Variants in SKAP1 observed in about 807,000 individuals in gnomAD.
SKAP1 encodes src kinase associated phosphoprotein 1, also known as src kinase-associated phosphoprotein 1.
SKAP1 carries 44 observed loss-of-function variants against 58.5 expected under a neutral mutation model. That is an observed-to-expected ratio of 0.75 (90% CI 0.59 to 0.97). The LOEUF (loss-of-function observed/expected upper bound fraction) is 0.97, where lower values mean the gene tolerates loss of function less well. Ranked by LOEUF, SKAP1 falls within the 50% of genes least tolerant of loss-of-function variation. The pLI is 0.00. For synonymous variants in SKAP1, 127 were observed against 149.7 expected (o/e 0.85, Z 1.11); for missense variants, 390 against 435.2 (o/e 0.90, Z 0.92).
intron 10 of SKAP1, among the ~76,000 whole-genome samples, chr17:48,165,896 A>T (rs897096869): frequency 6.6e-6 from 1 of 151,986 alleles, no homozygotes; most frequent in African/African-American, 2.4e-5. Context: ...CCATCTAATT[A>T]TTTTTTTTCC....
intron 4 of SKAP1, among the ~76,000 whole-genome samples, chr17:48,205,662 A>AG (rs1393678710): frequency 6.6e-6 from 1 of 152,078 alleles, no homozygotes; most frequent in South Asian, 2.1e-4. Flanking sequence ...CTTCTGAATC[A>AG]GGGGGGAGAA....
chr17:48,290,768 T>C (rs1168294692), intron 4 of SKAP1, among the ~76,000 whole-genome samples: 1 of 152,196 alleles, frequency 6.6e-6, no homozygotes, highest in Non-Finnish European at 1.5e-5. Context: ...ATGAATGAGA[T>C]TTCTGTAACT....
chr17:48,230,043 T>C lies in SKAP1; in HGVS notation c.281-40543A>G, dbSNP rs116036809. 3.3e-3 allele frequency among the ~76,000 whole-genome samples: 496 copies of C among 148,424 alleles called. 3 individuals carry two copies. The highest frequency in any genetic ancestry group is 0.012 in the African/African-American group (467 of 40,076). On this transcript the variant is annotated intron_variant, in intron 4 of 12. Transcript: ENST00000336915. ...AGGGCAGAGCATCCAGGCTCAGACC[T>C]TGAACTGAAAAATCCTTCTCACTTT... is the stretch of plus-strand genomic sequence containing the variant.
intron 4 of SKAP1, among the ~76,000 whole-genome samples, chr17:48,275,053 C>T (rs182360732): frequency 1.3e-5 from 2 of 152,300 alleles, no homozygotes; most frequent in African/African-American, 4.8e-5. Flanking sequence ...AGAGAAAAGA[C>T]TCAATTTTCT....
intron 2 of SKAP1, among the ~76,000 whole-genome samples, chr17:48,387,604 T>G (rs191456989): frequency 7.2e-5 from 11 of 152,336 alleles, no homozygotes; most frequent in Non-Finnish European, 2.9e-5. Context: ...CATGTTTTAG[T>G]GATAACATTT....
chr17:48,288,561 C>A (rs1316743239), intron 4 of SKAP1, among the ~76,000 whole-genome samples: 1 of 151,930 alleles, frequency 6.6e-6, no homozygotes, highest in African/African-American at 2.4e-5. Context: ...TGGCGTGCAC[C>A]TGTAGTCCCA....
chr17:48,349,062 A>G (rs2066761268), intron 3 of SKAP1, among the ~76,000 whole-genome samples: 1 of 152,254 alleles, frequency 6.6e-6, no homozygotes, highest in Non-Finnish European at 1.5e-5. Flanking sequence ...TCCCTTGGGC[A>G]CACACAGAAA....
At chr17:48,385,335 T>A (rs2067262558) in intron 2 of SKAP1, among the ~76,000 whole-genome samples, 1 of 147,412 alleles carries the variant, frequency 6.8e-6, no homozygotes, top group Admixed American at 6.8e-5. Context: ...AAAAAAAAAA[T>A]AGATGCAAAG....
At chr17:48,395,230 G>A (rs552089239) in intron 2 of SKAP1, among the ~76,000 whole-genome samples, 6 of 152,234 alleles carry the variant, frequency 3.9e-5, no homozygotes, top group East Asian at 1.9e-4. Flanking sequence ...ATGAGTTACC[G>A]TAATTTGCCT....
intron 1 of SKAP1, among the ~76,000 whole-genome samples, chr17:48,412,256 T>A (rs2067673939): frequency 6.6e-6 from 1 of 152,240 alleles, no homozygotes; most frequent in African/African-American, 2.4e-5. Context: ...CCTTCCTTTG[T>A]GCCAGTCAGG....
At chr17:48,143,839 C>T (rs1164047596) in intron 11 of SKAP1, among the ~76,000 whole-genome samples, 4 of 152,176 alleles carry the variant, frequency 2.6e-5, no homozygotes, top group Admixed American at 6.5e-5. Context: ...GGTTGTTCAA[C>T]GCTCCTAACT....
chr17:48,176,196 C>T (rs1204353157), intron 9 of SKAP1, among the ~76,000 whole-genome samples: 1 of 152,124 alleles, frequency 6.6e-6, no homozygotes, highest in Non-Finnish European at 1.5e-5. Context: ...TTGGAATGTG[C>T]ACAGAAATTC....
At chr17:48,138,960 G>A (rs1246340446) in intron 11 of SKAP1, among the ~76,000 whole-genome samples, 1 of 151,576 alleles carries the variant, frequency 6.6e-6, no homozygotes, top group Non-Finnish European at 1.5e-5. Context: ...ACAATCTTGG[G>A]TCACTGCAAC....
chr17:48,144,226 T>G (rs868230618), intron 11 of SKAP1, among the ~76,000 whole-genome samples: 7 of 152,166 alleles, frequency 4.6e-5, no homozygotes, highest in African/African-American at 1.7e-4. Flanking sequence ...CTGACTGTCT[T>G]TTCCAGATTT....
chr17:48,442,198 ATGGGGTGTGG>A, the SKAP1 span, among the ~76,000 whole-genome samples: 2 of 152,140 alleles, frequency 1.3e-5, no homozygotes, highest in Non-Finnish European at 2.9e-5. Context: ...CGTTGTGGCC[ATGGGGTGTGG>A]TGGGGTGTGA....
chr17:48,153,229 G>A (rs2063925614), intron 11 of SKAP1, among the ~76,000 whole-genome samples: 1 of 152,104 alleles, frequency 6.6e-6, no homozygotes, highest in Non-Finnish European at 1.5e-5. Context: ...TGAGCAACTG[G>A]GCCTCTTGTT....
intron 11 of SKAP1, among the ~76,000 whole-genome samples, chr17:48,145,460 CA>C (rs1342940382): frequency 6.6e-6 from 1 of 151,460 alleles, no homozygotes; most frequent in Non-Finnish European, 1.5e-5. Context: ...AAAAGAACAG[CA>C]AATTCTATAA....
At chr17:48,238,677 TA>T (rs1320668362) in intron 4 of SKAP1, among the ~76,000 whole-genome samples, 5 of 152,300 alleles carry the variant, frequency 3.3e-5, no homozygotes, top group African/African-American at 9.6e-5. Context: ...CCAGTTGAGA[TA>T]GGTTTAAATA....
At chr17:48,167,212 C>T (rs1194193169) in intron 10 of SKAP1, among the ~76,000 whole-genome samples, 1 of 152,114 alleles carries the variant, frequency 6.6e-6, no homozygotes, top group African/African-American at 2.4e-5. Flanking sequence ...AAAATATTTG[C>T]CAAGCCCCCA....
Sources: gnomAD v4.1 joint callset for allele counts (sites outside exome capture counted in the v4.1 genomes callset) on GRCh38, gnomAD v4.1.1 for gene constraint, MANE v1.5 for transcripts, NCBI Gene and HGNC (gene_info 2026-07-23, HGNC 2026-07-21) for gene names.